SHISA9: variants seen among roughly 807,000 people sequenced by gnomAD.
SHISA9 encodes protein shisa-9.
Under a neutral mutation model 38.0 loss-of-function variants are expected in SHISA9, and 13 were observed. The ratio of observed to expected loss-of-function variants is 0.34; its 90% CI spans 0.22 to 0.54. The LOEUF (loss-of-function observed/expected upper bound fraction) is 0.54, where lower values mean the gene tolerates loss of function less well. Among genes scored for constraint, SHISA9 ranks in the 20% least tolerant of loss-of-function variants. The probability of loss-of-function intolerance (pLI) is 0.91; values close to 1 mark genes in which losing one functional copy is unlikely to be tolerated. For missense variants in SHISA9, 538 were observed against 575.8 expected (o/e 0.93, Z 0.67); for synonymous variants, 275 against 242.0 (o/e 1.14, Z -1.27).
the SHISA9 span, among the ~76,000 whole-genome samples, chr16:13,451,328 C>T: frequency 6.6e-6 from 1 of 152,234 alleles, no homozygotes; most frequent in South Asian, 2.1e-4. Context: ...GAATCCCTGA[C>T]TCAGCGTCTG....
At chr16:13,096,739 C>G (rs2073832000) in intron 2 of SHISA9, among the ~76,000 whole-genome samples, 1 of 152,186 alleles carries the variant, frequency 6.6e-6, no homozygotes, top group South Asian at 2.1e-4. Context: ...TTCTTACTCG[C>G]TCAGTTCCAC....
the SHISA9 span, among the ~76,000 whole-genome samples, chr16:13,398,166 C>T: frequency 2.0e-5 from 3 of 152,250 alleles, no homozygotes; most frequent in East Asian, 1.9e-4. Flanking sequence ...AGGATGGGGG[C>T]GTGGTGGCCC....
At chr16:13,114,934 C>CCATT (rs1215381616) in intron 2 of SHISA9, among the ~76,000 whole-genome samples, 2 of 152,046 alleles carry the variant, frequency 1.3e-5, no homozygotes, top group African/African-American at 4.8e-5. Flanking sequence ...ATCCATCCAT[C>CCATT]CATCCTTCTC....
the SHISA9 span, among the ~76,000 whole-genome samples, chr16:13,392,961 G>A: frequency 6.6e-6 from 1 of 152,182 alleles, no homozygotes; most frequent in Non-Finnish European, 1.5e-5. Flanking sequence ...TAAATGTCTG[G>A]CTTTTAAGCG....
intron 1 of SHISA9, among the ~76,000 whole-genome samples, chr16:12,914,697 C>T (rs1567337242): frequency 1.3e-5 from 2 of 152,200 alleles, no homozygotes; most frequent in Non-Finnish European, 2.9e-5. Context: ...AGCTCTAGTT[C>T]TTACCCTATC....
chr16:13,226,992 T>C (rs1405733240), intron 4 of SHISA9, among the ~76,000 whole-genome samples: 12 of 152,208 alleles, frequency 7.9e-5, no homozygotes, highest in Non-Finnish European at 5.9e-5. Context: ...ATTTTGGTCA[T>C]TCTTGGAATA....
the SHISA9 span, among the ~76,000 whole-genome samples, chr16:13,536,080 C>A: frequency 1.3e-5 from 2 of 151,782 alleles, no homozygotes; most frequent in Admixed American, 6.6e-5. Flanking sequence ...CTCACCGCAA[C>A]CTCCGCTTCC....
intron 2 of SHISA9, among the ~76,000 whole-genome samples, chr16:13,038,405 G>T (rs1490052572): frequency 1.3e-5 from 2 of 152,140 alleles, no homozygotes; most frequent in Non-Finnish European, 1.5e-5. Context: ...GCACAATCTA[G>T]CCTCTTCTCT....
chr16:13,382,546 A>G, the SHISA9 span, among the ~76,000 whole-genome samples: 1,418 of 149,706 alleles, frequency 9.5e-3, 25 homozygotes, highest in African/African-American at 0.033. Context: ...AAAAAAAAAA[A>G]AAAGAAAGAA....
the SHISA9 span, among the ~76,000 whole-genome samples, chr16:13,345,051 C>T: frequency 9.9e-4 from 151 of 152,296 alleles, no homozygotes; most frequent in African/African-American, 3.5e-3. Flanking sequence ...TAAATCTCTA[C>T]TGTGACTTGT....
rs1237823543 is a variant in SHISA9 at position 13,235,538 on chromosome 16, C to G, written c.*129C>G. ...CACTCACTCTCAACAAGAACCAACT[C>G]TAAACCTACTGGGGACACAGAGTCG... On this transcript the variant is annotated 3_prime_UTR_variant, in exon 5 of 5. Coordinates refer to ENST00000558583, the MANE Select transcript of SHISA9 (RefSeq NM_001145204.3). 5.1e-6 allele frequency: 6 copies of G among 1,176,798 alleles called. No homozygotes were observed. The Admixed American group carries it at 1.2e-4, about 23-fold the overall frequency. The allele number at this position is 1,176,798 out of a possible 1,614,324, so 72.9% of individuals were successfully genotyped here. A position where few individuals can be genotyped will look rare whatever the true frequency, so the allele number is the denominator to read the frequency against.
intron 2 of SHISA9, among the ~76,000 whole-genome samples, chr16:13,199,504 C>T (rs1454608192): frequency 2.0e-5 from 3 of 152,212 alleles, no homozygotes; most frequent in Non-Finnish European, 4.4e-5. Context: ...CAGAACTCTA[C>T]ATTGCAAGTG....
At chr16:13,458,574 GAA>G in the SHISA9 span, 2 of 415,454 alleles carry the variant, frequency 4.8e-6, no homozygotes, top group South Asian at 3.8e-5. Flanking sequence ...AACAGAAGGT[GAA>G]AGAGATACCC....
chr16:13,151,497 C>T (rs955177031), intron 2 of SHISA9, among the ~76,000 whole-genome samples: 4 of 152,064 alleles, frequency 2.6e-5, no homozygotes, highest in African/African-American at 7.2e-5. Flanking sequence ...ATATGAAGAC[C>T]CTACAGCTGT....
intron 2 of SHISA9, among the ~76,000 whole-genome samples, chr16:13,179,436 G>A (rs893239076): frequency 6.6e-6 from 1 of 152,174 alleles, no homozygotes; most frequent in Non-Finnish European, 1.5e-5. Context: ...ACCATTAAAA[G>A]ATAGATACTA....
At chr16:13,398,375 A>G in the SHISA9 span, among the ~76,000 whole-genome samples, 1 of 152,078 alleles carries the variant, frequency 6.6e-6, no homozygotes, top group East Asian at 1.9e-4. Context: ...CTGCACAGGG[A>G]GTTGATACTC....
intron 2 of SHISA9, among the ~76,000 whole-genome samples, chr16:13,031,706 G>A (rs929481072): frequency 5.3e-5 from 8 of 152,180 alleles, no homozygotes; most frequent in Non-Finnish European, 1.2e-4. Flanking sequence ...TCTATATCAC[G>A]AGGTTAAGGC....
intron 2 of SHISA9, among the ~76,000 whole-genome samples, chr16:13,001,562 G>A (rs1366885039): frequency 1.3e-5 from 2 of 152,192 alleles, no homozygotes; most frequent in African/African-American, 4.8e-5. Context: ...CTGGGGAACG[G>A]GGATGCAGAT....
the SHISA9 span, among the ~76,000 whole-genome samples, chr16:13,250,830 C>G: frequency 6.6e-6 from 1 of 152,200 alleles, no homozygotes; most frequent in Non-Finnish European, 1.5e-5. Context: ...GTGAGGCAAA[C>G]CCTAATGGCT....
Sources: gnomAD v4.1 joint callset for allele counts (sites outside exome capture counted in the v4.1 genomes callset) on GRCh38, gnomAD v4.1.1 for gene constraint, MANE v1.5 for transcripts, NCBI Gene and HGNC (gene_info 2026-07-23, HGNC 2026-07-21) for gene names.